MAGI1: variants seen among roughly 807,000 people sequenced by gnomAD.
The protein encoded by MAGI1 is membrane-associated guanylate kinase, WW and PDZ domain-containing protein 1.
In MAGI1, 58 loss-of-function variants were observed where a neutral mutation model predicts 139.9. The observed-to-expected ratio is 0.41, with a 90% CI of 0.34 to 0.52. The LOEUF (loss-of-function observed/expected upper bound fraction) is 0.52, where lower values mean the gene tolerates loss of function less well. MAGI1 is among the 20% of genes least tolerant of loss of function. MAGI1 has a pLI of 0.12. For missense variants in MAGI1, 1,874 were observed against 1,901.6 expected, an observed-to-expected ratio of 0.99 and a Z score of 0.27; for synonymous variants, 812 against 737.9, an observed-to-expected ratio of 1.10 and a Z score of -1.63.
At chr3:65,514,429 C>G (rs376126039) in intron 2 of MAGI1, among the ~76,000 whole-genome samples, 2,299 of 123,198 alleles carry the variant, frequency 0.019, no homozygotes, top group East Asian at 0.092. Flanking sequence ...GGCTAATATC[C>G]AGAATCTACA....
intron 1 of MAGI1, among the ~76,000 whole-genome samples, chr3:65,821,452 T>C (rs1295914564): frequency 2.6e-5 from 4 of 152,168 alleles, no homozygotes; most frequent in African/African-American, 4.8e-5. Context: ...AAGTCAACAG[T>C]GTCTCCTGGA....
chr3:65,649,275 G>A (rs1354905683), intron 1 of MAGI1, among the ~76,000 whole-genome samples: 3 of 152,086 alleles, frequency 2.0e-5, no homozygotes, highest in Non-Finnish European at 2.9e-5. Context: ...CCTGCTTCTT[G>A]GGAGGCTGAG....
At chr3:65,480,157 G>T (rs1223734321) in intron 3 of MAGI1, among the ~76,000 whole-genome samples, 1 of 62,300 alleles carries the variant, frequency 1.6e-5, no homozygotes, top group African/African-American at 5.7e-5. Context: ...TATTACACAA[G>T]CACCAAAAAA....
At chr3:65,766,190 A>C (rs1164419929) in intron 1 of MAGI1, among the ~76,000 whole-genome samples, 1 of 152,216 alleles carries the variant, frequency 6.6e-6, no homozygotes, top group Non-Finnish European at 1.5e-5. Context: ...TCTTCAAAAA[A>C]ACTTCATTTG....
At chr3:65,446,143 C>A (rs2107458674) in intron 7 of MAGI1, among the ~76,000 whole-genome samples, 1 of 152,124 alleles carries the variant, frequency 6.6e-6, no homozygotes, top group South Asian at 2.1e-4. Flanking sequence ...GAAAAAAGTA[C>A]CATAAGAAAG....
At chr3:65,555,250 T>C (rs913369780) in intron 2 of MAGI1, among the ~76,000 whole-genome samples, 3 of 152,218 alleles carry the variant, frequency 2.0e-5, no homozygotes, top group African/African-American at 7.2e-5. Context: ...GAATCAGCTA[T>C]GAACAAAACA....
At chr3:65,740,075 C>T (rs1009111263) in intron 1 of MAGI1, among the ~76,000 whole-genome samples, 2 of 152,168 alleles carry the variant, frequency 1.3e-5, no homozygotes, top group African/African-American at 4.8e-5. Context: ...GGCTTTCAAG[C>T]ACTAGTTTAT....
At chr3:65,805,313 T>C (rs1414956935) in intron 1 of MAGI1, among the ~76,000 whole-genome samples, 6 of 152,194 alleles carry the variant, frequency 3.9e-5, no homozygotes, top group Non-Finnish European at 7.3e-5. Flanking sequence ...AAGTCATTTA[T>C]GCAGCCAACA....
intron 1 of MAGI1, among the ~76,000 whole-genome samples, chr3:65,707,791 A>G (rs1194428717): frequency 1.3e-5 from 2 of 152,152 alleles, no homozygotes; most frequent in African/African-American, 4.8e-5. Context: ...TGGATTTTAC[A>G]CACCCTCTCA....
At chr3:65,465,602 T>C (rs1040286650) in intron 5 of MAGI1, among the ~76,000 whole-genome samples, 1 of 152,174 alleles carries the variant, frequency 6.6e-6, no homozygotes, top group African/African-American at 2.4e-5. Context: ...ACAAATATGC[T>C]GTCATTTTAC....
At chr3:65,380,137 G>A (rs756179425) in intron 16 of MAGI1, among the ~76,000 whole-genome samples, 20 of 152,126 alleles carry the variant, frequency 1.3e-4, no homozygotes, top group Admixed American at 5.2e-4. Context: ...TGTCAACATC[G>A]ACTCTGATCA....
intron 5 of MAGI1, among the ~76,000 whole-genome samples, chr3:65,469,423 A>C (rs930414436): frequency 1.3e-5 from 2 of 152,032 alleles, no homozygotes; most frequent in Non-Finnish European, 2.9e-5. Flanking sequence ...TTAAAAACTG[A>C]CTACTGTTGG....
intron 1 of MAGI1, among the ~76,000 whole-genome samples, chr3:65,646,177 C>CT (rs1464399229): frequency 6.6e-6 from 1 of 151,612 alleles, no homozygotes; most frequent in African/African-American, 2.4e-5. Context: ...AAATATAACA[C>CT]TATAGGCATG....
intron 4 of MAGI1, 68 bp downstream of exon 4, chr3:65,478,524 C>T (rs1016725850): frequency 1.2e-5 from 17 of 1,474,286 alleles, no homozygotes; most frequent in Admixed American, 1.7e-5. Context: ...CTTTTCAAAA[C>T]TCTATGCAAA....
chr3:65,801,407 T>G (rs2040504673), intron 1 of MAGI1, among the ~76,000 whole-genome samples: 1 of 152,214 alleles, frequency 6.6e-6, no homozygotes, highest in Non-Finnish European at 1.5e-5. Context: ...TATAACATTC[T>G]AGAAAAATGT....
intron 1 of MAGI1, among the ~76,000 whole-genome samples, chr3:65,728,602 T>G (rs958165299): frequency 6.6e-6 from 1 of 152,140 alleles, no homozygotes; most frequent in African/African-American, 2.4e-5. Context: ...TCAAACTAGA[T>G]AGTCATTCAG....
At chr3:65,515,165 G>T (rs1168476117) in intron 2 of MAGI1, among the ~76,000 whole-genome samples, 2 of 115,856 alleles carry the variant, frequency 1.7e-5, no homozygotes, top group East Asian at 3.1e-4. Context: ...GTGGTGGGGT[G>T]GGGGGAGGGG....
At position 65,846,270 on chromosome 3, in the gene MAGI1, C is replaced by G. The variant is rs147184911; in HGVS notation, c.313+191726G>C. ...ACTCCTAAAGTTGGCTAGAGTCTGC[C>G]TGAAAACTAGTCTTATTCTAGGATG... On this transcript the variant is annotated intron_variant, in intron 1 of 22. Coordinates refer to ENST00000402939, the MANE Select transcript of MAGI1 (RefSeq NM_001033057.2). 1.3e-3 allele frequency among the ~76,000 whole-genome samples: 195 copies of G among 152,280 alleles called. 2 individuals are homozygous for G. In the East Asian group the frequency reaches 0.033, roughly 26 times the overall value.
At chr3:66,035,747 G>A (rs1036017760) in intron 1 of MAGI1, among the ~76,000 whole-genome samples, 3 of 152,154 alleles carry the variant, frequency 2.0e-5, no homozygotes, top group African/African-American at 7.2e-5. Context: ...CGCCCCTGCT[G>A]TGAACAATCT....
Sources: gnomAD v4.1 joint callset for allele counts (sites outside exome capture counted in the v4.1 genomes callset) on GRCh38, gnomAD v4.1.1 for gene constraint, MANE v1.5 for transcripts, NCBI Gene and HGNC (gene_info 2026-07-23, HGNC 2026-07-21) for gene names.